Variants in SPTA1 observed in about 807,000 individuals in gnomAD.
SPTA1 encodes the protein spectrin alpha, erythrocytic 1.
In SPTA1, 177 loss-of-function variants were observed where a neutral mutation model predicts 324.7. That is an observed-to-expected ratio of 0.55 (90% CI 0.48 to 0.62). SPTA1 has a LOEUF of 0.62. Among genes scored for constraint, SPTA1 ranks in the 20% least tolerant of loss-of-function variants. SPTA1 has a pLI of 0.00. For missense variants in SPTA1, 3,162 were observed against 2,883.6 expected, an observed-to-expected ratio of 1.10 and a Z score of -2.21; for synonymous variants, 1,195 against 1,041.3, an observed-to-expected ratio of 1.15 and a Z score of -2.84.
At chr1:158,614,396 A>G in intron 48 of SPTA1, 90 bp from the exon 49 acceptor site, 1 of 958,250 alleles carries the variant, frequency 1.0e-6, no homozygotes, top group Non-Finnish European at 1.6e-6. Flanking sequence ...AGGAATTTTA[A>G]TGGACAATTT....
chr1:158,686,243 G>A (rs1655166603), intron 1 of SPTA1, among the ~76,000 whole-genome samples: 1 of 152,174 alleles, frequency 6.6e-6, no homozygotes, highest in Admixed American at 6.6e-5. Flanking sequence ...TTGTTACTAG[G>A]TGTTATTTAG....
Position 158,620,384 on chromosome 1 carries a change from T to C in SPTA1, c.6203A>G (p.Glu2068Gly), listed in dbSNP as rs1251956785. Residue 2068 changes from glutamate (E) to glycine (G), a missense_variant, in exon 44 of 52, where the codon GAG becomes GGG. Glu to Gly is a moderately conservative substitution (Grantham distance 98, BLOSUM62 -2). Transcript: ENST00000643759. Reference protein sequence around the residue: ...WCEKMEENLSEPVHCVSLNEI... With the variant: ...WCEKMEENLSGPVHCVSLNEI... ...ATTCAGGGAGACACAGTGCACAGGC[T>C]CTGACAAGTTTTCTTCCATCTTTTC... 1.2e-6 allele frequency: 2 copies of C among 1,613,892 alleles called. No individual in the cohort carries two copies. Among genetic ancestry groups the C allele is most frequent in the East Asian group, 2.2e-5 (1 of 44,878 alleles).
chr1:158,644,450 A>G (rs1290036398), intron 29 of SPTA1, 54 bp from the exon 30 acceptor site: 7 of 1,601,568 alleles, frequency 4.4e-6, no homozygotes, highest in East Asian at 4.5e-5. Context: ...TGTGGAGGAA[A>G]TGATGTTACA....
In SPTA1 at chr1:158,644,354, C is replaced by T. The variant is rs781070526; in HGVS notation, c.4237G>A (p.Ala1413Thr). 5 of 1,613,788 alleles carry T rather than the reference C, an allele frequency of 3.1e-6. No homozygotes were observed. Among genetic ancestry groups the T allele is most frequent in the South Asian group, 1.1e-5 (1 of 91,092 alleles). Residue 1413 changes from alanine to threonine, a missense_variant, in exon 30 of 52, where the codon GCA (alanine) becomes ACA (threonine). Physicochemically the swap from Ala to Thr is moderately conservative, Grantham distance 58. Transcript: ENST00000643759. ...TCTGACCTCAGGGAATTCTCACGTG[C>T]CACCATCCAGCTCTCAACTTGATCA... ...NCDQVESWMV[A>T]RENSLRSDDK...
chr1:158,615,920 G>A (rs1342090680), intron 47 of SPTA1, among the ~76,000 whole-genome samples: 1 of 152,106 alleles, frequency 6.6e-6, no homozygotes, highest in East Asian at 1.9e-4. Context: ...GATTTTCATG[G>A]GCTGCTCCTG....
At chr1:158,617,000 A>G (rs1480778590) in intron 47 of SPTA1, among the ~76,000 whole-genome samples, 1 of 151,572 alleles carries the variant, frequency 6.6e-6, no homozygotes, top group African/African-American at 2.4e-5. Context: ...TTAGAAAAAA[A>G]TTAAATGTCA....
chr1:158,612,867 G>A lies in SPTA1; in HGVS notation c.7084C>T (p.Gln2362Ter). Residue 2362 changes from glutamine to a stop codon, truncating the protein, a stop_gained, in exon 51 of 52, where the codon CAA (glutamine) becomes TAA (stop). Transcript: ENST00000643759. LOFTEE classifies it high-confidence loss of function. ...TATGACTTGCCCTCTGCCAGGGCTT[G>A]GAAGGCATTCTCTATTTCATCACTG... ...KSSDEIENAF[Q>*]ALAEGKSYIT... 6.2e-7 allele frequency: 1 copy of A among 1,613,962 alleles called. No individual in the cohort carries two copies. Among genetic ancestry groups the A allele is most frequent in the East Asian group, 2.2e-5 (1 of 44,870 alleles).
At chr1:158,657,409 A>C (rs1444868321) in intron 19 of SPTA1, 68 bp downstream of exon 19, 1 of 1,511,154 alleles carries the variant, frequency 6.6e-7, no homozygotes, top group Non-Finnish European at 9.2e-7. Flanking sequence ...CAACCTAAGC[A>C]AACCCTAAAT....
chr1:158,669,307 G>C, intron 14 of SPTA1, 101 bp downstream of exon 14: 2 of 1,497,444 alleles, frequency 1.3e-6, no homozygotes, highest in Non-Finnish European at 1.9e-6. Context: ...TATAAAATGA[G>C]GATCACCAGC....
chr1:158,653,501 T>C, intron 21 of SPTA1, 76 bp from the exon 22 acceptor site: 1 of 1,597,260 alleles, frequency 6.3e-7, no homozygotes, highest in Non-Finnish European at 8.5e-7. Flanking sequence ...CAACACTAAG[T>C]CTCTTGGCCC....
At chr1:158,664,324 T>C (rs1571488484) in intron 16 of SPTA1, among the ~76,000 whole-genome samples, 1 of 152,152 alleles carries the variant, frequency 6.6e-6, no homozygotes, top group East Asian at 1.9e-4. Flanking sequence ...GTGGCACATA[T>C]ACAATATAGA....
At chr1:158,653,127 A>G in intron 22 of SPTA1, 147 bp downstream of exon 22, 13 of 1,321,254 alleles carry the variant, frequency 9.8e-6, no homozygotes, top group Non-Finnish European at 1.4e-5. Flanking sequence ...AAACATTTAA[A>G]AGATTCTAGG....
rs1245338394 is a variant in SPTA1, at chr1:158,648,607, G to A, written c.3616C>T (p.Leu1206Phe). 6.2e-7 allele frequency: 1 copy of A among 1,613,970 alleles called. No individual in the cohort carries two copies. Among genetic ancestry groups the A allele is most frequent in the Non-Finnish European group, 8.5e-7 (1 of 1,179,962 alleles). ...KEQIEKKCQA[L>F]SAADPGSDLF... ...TCTGAGCCAGGGTCTGCAGCACTGA[G>A]GGCCTGGCATTTCTTCTCAATCTGC... Residue 1206 changes from leucine (L) to phenylalanine (F), a missense_variant, in exon 26 of 52, where the codon CTC (leucine) becomes TTC (phenylalanine). Coordinates refer to ENST00000643759, the MANE Select transcript of SPTA1 (RefSeq NM_003126.4).
At chr1:158,646,198 G>T (rs17635940) in intron 27 of SPTA1, among the ~76,000 whole-genome samples, 40,779 of 152,000 alleles carry the variant, frequency 0.27, 5,641 homozygotes, top group Middle Eastern at 0.33. Flanking sequence ...GAAGTTAGAC[G>T]AGCAAAACTA....
At position 158,656,567 on chromosome 1, in the gene SPTA1, G is replaced by A. The variant is rs1404053718; in HGVS notation, c.2895C>T (p.Cys965=). Reference sequence around the variant, plus strand: ...GTCATCGCTAAGTTAGTCTTACCTGGCAGGCGTTTGCCTGATTCCGCAGAG... The same window carrying A: ...GTCATCGCTAAGTTAGTCTTACCTGACAGGCGTTTGCCTGATTCCGCAGAG... ...MKALRNQANA[C]QQQQAAPVEG... is the part of the protein sequence containing the mutation. Residue 965 remains cysteine (C), a synonymous_variant, in exon 20 of 52, where the codon TGC becomes TGT. Transcript: ENST00000643759. 1.9e-6 allele frequency: 3 copies of A among 1,612,672 alleles called. No homozygotes were observed. The highest frequency in any genetic ancestry group is 2.5e-6 in the Non-Finnish European group (3 of 1,178,992).
At position 158,615,294 on chromosome 1, in the gene SPTA1, C is replaced by T. The variant is rs938417743; in HGVS notation, c.6710G>A (p.Gly2237Glu). 1.9e-6 allele frequency: 3 copies of T among 1,614,080 alleles called. No individual in the cohort carries two copies. The highest frequency in any genetic ancestry group is 1.7e-6 in the Non-Finnish European group (2 of 1,180,008). Residue 2237 changes from glycine to glutamate, a missense_variant, in exon 48 of 52, where the codon GGA becomes GAA. Gly to Glu is a moderately conservative substitution (Grantham distance 98, BLOSUM62 -2). Coordinates refer to ENST00000643759, the MANE Select transcript of SPTA1 (RefSeq NM_003126.4). ...LILDIKYSTI[G>E]LAQQWDQLYQ... ...GAGCTGGTCCCACTGCTGAGCCAATCCAATGGTGCTGTATTTGATATCAAG... is the reference window on the plus strand; with the variant it reads ...GAGCTGGTCCCACTGCTGAGCCAATTCAATGGTGCTGTATTTGATATCAAG...
chr1:158,653,725 C>CA (rs1187060314), intron 21 of SPTA1, among the ~76,000 whole-genome samples: 5 of 152,098 alleles, frequency 3.3e-5, no homozygotes, highest in Admixed American at 6.5e-5. Flanking sequence ...GAGGAATTTA[C>CA]AAAAAACACA....
intron 22 of SPTA1, among the ~76,000 whole-genome samples, 168 bp from the exon 23 acceptor site, chr1:158,652,821 T>A (rs1447637641): frequency 6.6e-6 from 1 of 152,144 alleles, no homozygotes; most frequent in Non-Finnish European, 1.5e-5. Context: ...GAAAACAGCC[T>A]TGGGGGCAAA....
chr1:158,649,673 G>C (rs1652273371), intron 25 of SPTA1, among the ~76,000 whole-genome samples, 183 bp downstream of exon 25: 1 of 152,214 alleles, frequency 6.6e-6, no homozygotes, highest in Non-Finnish European at 1.5e-5. Flanking sequence ...ATTGAAGCTA[G>C]TTGTCTGGGA....
Sources: allele counts gnomAD v4.1 joint callset (sites outside exome capture counted in the v4.1 genomes callset), GRCh38; gene constraint gnomAD v4.1.1; transcripts MANE v1.5; gene names NCBI Gene and HGNC (gene_info 2026-07-23, HGNC 2026-07-21).